The following CATSPERB variants were observed in gnomAD, a reference collection of about 807,000 sequenced individuals.
CATSPERB encodes the protein catsper channel auxiliary subunit beta.
CATSPERB carries 93 observed loss-of-function variants against 128.3 expected under a neutral mutation model. The ratio of observed to expected loss-of-function variants is 0.72; its 90% CI spans 0.61 to 0.86. The LOEUF (loss-of-function observed/expected upper bound fraction) is 0.86, where lower values mean the gene tolerates loss of function less well. Among genes scored for constraint, CATSPERB ranks in the 40% least tolerant of loss-of-function variants. The pLI, the probability that CATSPERB is intolerant of heterozygous loss-of-function variation, is 0.00. For missense variants in CATSPERB, 1,153 were observed against 1,329.5 expected (o/e 0.87, Z 2.06); for synonymous variants, 381 against 448.8 (o/e 0.85, Z 1.91).
chr14:91,692,179 A>C (rs1466743469), intron 9 of CATSPERB, among the ~76,000 whole-genome samples: 26 of 150,744 alleles, frequency 1.7e-4, no homozygotes, highest in African/African-American at 6.1e-4. Flanking sequence ...CAGTCTCAAA[A>C]AAAAAAAAAA....
chr14:91,728,869 T>C (rs1002470818), intron 2 of CATSPERB, among the ~76,000 whole-genome samples: 1 of 152,254 alleles, frequency 6.6e-6, no homozygotes, highest in African/African-American at 2.4e-5. Flanking sequence ...ATGAAATTCA[T>C]TCATTGCCCT....
In CATSPERB at chr14:91,603,180, T is replaced by C. The variant is rs149957500; in HGVS notation, c.2709+5114A>G. Reference sequence around the variant, plus strand: ...ATGTATCTTTTACTATACCTTTCAATATCTTGTCTTTCTTCATGAGGGTGT... The same window carrying C: ...ATGTATCTTTTACTATACCTTTCAACATCTTGTCTTTCTTCATGAGGGTGT... On this transcript the variant is annotated intron_variant, in intron 22 of 26. Transcript: ENST00000256343. 1,048 of 794,656 alleles carry C rather than the reference T, an allele frequency of 1.3e-3. 2 individuals carry two copies. In the African/African-American group the frequency reaches 0.015, roughly 12 times the overall value. 49.2% of individuals were successfully genotyped at this position (794,656 alleles called of 1,614,324 possible).
At chr14:91,667,700 C>G (rs1164667952) in intron 14 of CATSPERB, among the ~76,000 whole-genome samples, 1 of 152,220 alleles carries the variant, frequency 6.6e-6, no homozygotes, top group Non-Finnish European at 1.5e-5. Context: ...GACTCTGCAC[C>G]TTCTCAGGGA....
At chr14:91,693,007 G>C (rs141873959) in intron 9 of CATSPERB, 119 bp downstream of exon 9, 1 of 737,256 alleles carries the variant, frequency 1.4e-6, no homozygotes, top group Non-Finnish European at 2.3e-6. Context: ...TATGTTTTTC[G>C]AAAGAAAGAA....
At chr14:91,592,035 T>C (rs768431079) in intron 22 of CATSPERB, 33 bp from the exon 23 acceptor site, 1 of 1,377,878 alleles carries the variant, frequency 7.3e-7, no homozygotes, top group Non-Finnish European at 1.0e-6. Flanking sequence ...TTGACTTGTT[T>C]TTCTGCGTTG....
chr14:91,689,669 C>T (rs1302968281), intron 10 of CATSPERB, among the ~76,000 whole-genome samples: 1 of 152,098 alleles, frequency 6.6e-6, no homozygotes. Flanking sequence ...TATCTCTCCT[C>T]TCCTTTCTTC....
chr14:91,666,267 A>G (rs1422711081), intron 14 of CATSPERB, among the ~76,000 whole-genome samples: 1 of 152,236 alleles, frequency 6.6e-6, no homozygotes, highest in African/African-American at 2.4e-5. Flanking sequence ...GCCCTAAGAC[A>G]TTAAAACGGC....
chr14:91,657,741 C>G (rs780244533), intron 15 of CATSPERB, among the ~76,000 whole-genome samples: 2 of 152,110 alleles, frequency 1.3e-5, no homozygotes, highest in Non-Finnish European at 2.9e-5. Context: ...AGATGACATA[C>G]AAACGGCAGA....
chr14:91,680,837 C>A (rs1260029290), intron 11 of CATSPERB, among the ~76,000 whole-genome samples: 1 of 152,128 alleles, frequency 6.6e-6, no homozygotes, highest in Non-Finnish European at 1.5e-5. Flanking sequence ...GCCAAGGGAA[C>A]CCCAAGAAAA....
intron 4 of CATSPERB, 37 bp from the exon 5 acceptor site, chr14:91,719,515 A>C: frequency 2.0e-6 from 3 of 1,464,264 alleles, no homozygotes; most frequent in Non-Finnish European, 2.9e-6. Flanking sequence ...AATGTTTTAC[A>C]ACATGAATAA....
intron 26 of CATSPERB, 60 bp downstream of exon 26, chr14:91,587,142 G>T: frequency 2.2e-6 from 3 of 1,347,616 alleles, no homozygotes; most frequent in Non-Finnish European, 3.1e-6. Context: ...CTCTTGAATT[G>T]GTTTTGTCAT....
chr14:91,593,045 C>G (rs527415319), intron 22 of CATSPERB, among the ~76,000 whole-genome samples: 8 of 152,324 alleles, frequency 5.3e-5, no homozygotes, highest in African/African-American at 1.4e-4. Context: ...CAAGCCTTGA[C>G]AGCTTCCACG....
intron 5 of CATSPERB, chr14:91,709,155 T>C (rs1053580459): frequency 1.3e-5 from 2 of 152,206 alleles, no homozygotes; most frequent in Admixed American, 1.3e-4. Flanking sequence ...CCCAAGTACA[T>C]CAATTGCTAT....
intron 22 of CATSPERB, among the ~76,000 whole-genome samples, chr14:91,603,019 A>G (rs1485830492): frequency 1.3e-5 from 2 of 152,040 alleles, no homozygotes; most frequent in Non-Finnish European, 2.9e-5. Flanking sequence ...CATCTGCAGT[A>G]TTAGTGAGTG....
At position 91,719,436 on chromosome 14, in the gene CATSPERB, T is replaced by A; in HGVS notation, c.352A>T (p.Asn118Tyr). 1 of 1,611,724 alleles carries A rather than the reference T, an allele frequency of 6.2e-7. No homozygotes were observed. The highest frequency in any genetic ancestry group is 1.3e-5 in the African/African-American group (1 of 74,986). Reference sequence around the variant, plus strand: ...CTCTTACCTGTGCTTTGTGTGATGTTTTCTCTAGGAATATCAACCAACCAC... The same window carrying A: ...CTCTTACCTGTGCTTTGTGTGATGTATTCTCTAGGAATATCAACCAACCAC... The part of the protein sequence containing the change: ...ILWLVDIPRE[N>Y]ITQSTDIAAV... Residue 118 changes from asparagine (N) to tyrosine (Y), a missense_variant, in exon 5 of 27, where the codon AAC (asparagine) becomes TAC (tyrosine). Physicochemically the swap from Asn to Tyr is moderately radical, Grantham distance 143. Coordinates refer to ENST00000256343, the MANE Select transcript of CATSPERB (RefSeq NM_024764.4).
intron 9 of CATSPERB, among the ~76,000 whole-genome samples, chr14:91,692,538 A>C (rs918604711): frequency 2.0e-5 from 3 of 152,192 alleles, no homozygotes; most frequent in Non-Finnish European, 2.9e-5. Flanking sequence ...AAAGATAATA[A>C]TTACCATGTA....
intron 2 of CATSPERB, among the ~76,000 whole-genome samples, chr14:91,727,988 T>C (rs1385676137): frequency 2.0e-5 from 3 of 152,244 alleles, no homozygotes; most frequent in Admixed American, 6.5e-5. Context: ...CTTTCAATAG[T>C]TAAGCCCATT....
chr14:91,712,356 A>T (rs949712916), intron 5 of CATSPERB, among the ~76,000 whole-genome samples: 2 of 152,194 alleles, frequency 1.3e-5, no homozygotes, highest in Non-Finnish European at 2.9e-5. Context: ...CTAATATTAA[A>T]TATTAAAATA....
chr14:91,729,782 C>A (rs1328736923), intron 1 of CATSPERB, among the ~76,000 whole-genome samples: 1 of 152,154 alleles, frequency 6.6e-6, no homozygotes, highest in Non-Finnish European at 1.5e-5. Context: ...AAAACAGAGC[C>A]TGAACTGATG....
Sources: gnomAD v4.1 joint callset for allele counts (sites outside exome capture counted in the v4.1 genomes callset) on GRCh38, gnomAD v4.1.1 for gene constraint, MANE v1.5 for transcripts, NCBI Gene and HGNC (gene_info 2026-07-23, HGNC 2026-07-21) for gene names.